Variants in VIPR1 observed in about 807,000 individuals in gnomAD.
VIPR1 encodes vasoactive intestinal peptide receptor 1.
VIPR1 carries 59 observed loss-of-function variants against 58.8 expected under a neutral mutation model. That is an observed-to-expected ratio of 1.00 (90% confidence interval 0.81 to 1.25). The LOEUF is 1.25. Ranked by LOEUF, VIPR1 falls within the 50% of genes most tolerant of loss-of-function variation. VIPR1 has a pLI of 0.00. For missense variants in VIPR1, 626 were observed against 602.7 expected (o/e 1.04, Z -0.40); for synonymous variants, 251 against 242.1 (o/e 1.04, Z -0.34).
At chr3:42,523,185 G>A (rs1346908873) in intron 3 of VIPR1, among the ~76,000 whole-genome samples, 1 of 151,976 alleles carries the variant, frequency 6.6e-6, no homozygotes, top group African/African-American at 2.4e-5. Context: ...GGGCCTGCCG[G>A]TTTCCAGGCC....
chr3:42,531,693 G>A (rs539751277), intron 8 of VIPR1, 110 bp from the exon 9 acceptor site: 29 of 1,551,088 alleles, frequency 1.9e-5, no homozygotes, highest in African/African-American at 8.1e-5. Flanking sequence ...CTCTGGGCCC[G>A]GGGTTGCTAA....
At position 42,517,590 on chromosome 3, in the gene VIPR1, A is replaced by T. The variant is rs553064397; in HGVS notation, c.185-1633A>T. 2.6e-5 allele frequency among the ~76,000 whole-genome samples: 4 copies of T among 152,344 alleles called. No homozygotes were observed. The East Asian group carries it at 7.7e-4, about 29-fold the overall frequency. ...GGCTGTGGCGGAGAATGCAGCCACAATGCAGGGTTTTCGCTGCACTTGTTC... is the reference window on the plus strand; with the variant it reads ...GGCTGTGGCGGAGAATGCAGCCACATTGCAGGGTTTTCGCTGCACTTGTTC... On this transcript the variant is annotated intron_variant, in intron 2 of 12. Transcript: ENST00000325123.
At chr3:42,533,761 C>A (rs898267399) in intron 10 of VIPR1, 1 of 152,216 alleles carries the variant, frequency 6.6e-6, no homozygotes, top group Non-Finnish European at 1.5e-5. Flanking sequence ...GTTTTGCAGC[C>A]GAAGAGGGGT....
chr3:42,522,207 G>T (rs1265445167), intron 3 of VIPR1, among the ~76,000 whole-genome samples: 2 of 145,190 alleles, frequency 1.4e-5, no homozygotes, highest in Admixed American at 7.1e-5. Flanking sequence ...CGCCTTCCGG[G>T]TCCACACCAT....
intron 6 of VIPR1, 31 bp from the exon 7 acceptor site, chr3:42,530,748 G>A: frequency 1.2e-6 from 2 of 1,610,458 alleles, no homozygotes; most frequent in South Asian, 2.2e-5. Context: ...GACAGCCCCA[G>A]TGAACCCCGT....
chr3:42,503,050 G>C (rs1402267051), intron 1 of VIPR1, among the ~76,000 whole-genome samples: 1 of 152,244 alleles, frequency 6.6e-6, no homozygotes, highest in Non-Finnish European at 1.5e-5. Context: ...CACAGCATCA[G>C]TGGAGGGGCA....
At chr3:42,496,726 C>T (rs956204329) in intron 1 of VIPR1, among the ~76,000 whole-genome samples, 3 of 152,224 alleles carry the variant, frequency 2.0e-5, no homozygotes, top group African/African-American at 7.2e-5. Context: ...CACCCATTCC[C>T]ATTGACTATG....
chr3:42,530,664 C>A, intron 6 of VIPR1, 115 bp from the exon 7 acceptor site: 1 of 1,276,460 alleles, frequency 7.8e-7, no homozygotes. Flanking sequence ...TGCAAAACAA[C>A]AAAGAGATTA....
At chr3:42,495,416 T>C (rs978582137) in intron 1 of VIPR1, among the ~76,000 whole-genome samples, 3 of 152,166 alleles carry the variant, frequency 2.0e-5, no homozygotes, top group African/African-American at 7.2e-5. Context: ...CCACTGTGCC[T>C]GGCCTGCTGT....
intron 2 of VIPR1, 131 bp downstream of exon 2, chr3:42,513,985 A>G: frequency 9.8e-7 from 1 of 1,017,944 alleles, no homozygotes; most frequent in Non-Finnish European, 1.4e-6. Context: ...CTGGGGAGCC[A>G]GATGGAAGAA....
At chr3:42,499,638 A>G (rs939694225), upstream of VIPR1, among the ~76,000 whole-genome samples, 11 of 152,186 alleles carry the variant, frequency 7.2e-5, no homozygotes, top group Non-Finnish European at 1.5e-4. Flanking sequence ...GGAGGCGACT[A>G]TGGCTCTCCT....
At chr3:42,493,378 C>G (rs546470325) in intron 1 of VIPR1, among the ~76,000 whole-genome samples, 1 of 152,184 alleles carries the variant, frequency 6.6e-6, no homozygotes, top group Admixed American at 6.5e-5. Context: ...CACACTCCCA[C>G]GGCCGAGCAT....
intron 1 of VIPR1, among the ~76,000 whole-genome samples, chr3:42,505,330 C>T (rs1700069471): frequency 6.6e-6 from 1 of 152,236 alleles, no homozygotes; most frequent in Non-Finnish European, 1.5e-5. Context: ...ATGGGCCTGC[C>T]CCCAGAAGGA....
chr3:42,524,498 C>A (rs554644485), intron 3 of VIPR1, among the ~76,000 whole-genome samples: 1 of 152,222 alleles, frequency 6.6e-6, no homozygotes, highest in African/African-American at 2.4e-5. Flanking sequence ...ACCCAGCCCA[C>A]GGCTGCTCTT....
At chr3:42,517,064 G>A (rs1359874698) in intron 2 of VIPR1, among the ~76,000 whole-genome samples, 1 of 152,186 alleles carries the variant, frequency 6.6e-6, no homozygotes, top group East Asian at 1.9e-4. Context: ...AAGACAGGTT[G>A]GGGGAAAAGT....
At position 42,536,243 on chromosome 3, in the gene VIPR1, C is replaced by A. The variant is rs1385393417; in HGVS notation, c.1336C>A (p.Arg446Ser). 3 of 1,585,334 alleles carry A rather than the reference C, an allele frequency of 1.9e-6. No individual in the cohort carries two copies. The highest frequency in any genetic ancestry group is 2.7e-5 in the African/African-American group (2 of 74,496). The change falls in exon 13 of 13, where the codon CGC becomes AGC. Residue 446 changes from arginine to serine, a missense_variant. Transcript: ENST00000325123. Reference sequence around the variant, plus strand: ...GACCCGCGTCAGCCCAGGTGCCCGCCGCTCCTCCAGCTTCCAAGCCGAAGT... The same window carrying A: ...GACCCGCGTCAGCCCAGGTGCCCGCAGCTCCTCCAGCTTCCAAGCCGAAGT... ...MLTRVSPGAR[R>S]SSSFQAEVSL...
chr3:42,535,003 A>T lies in VIPR1; in HGVS notation c.1039A>T (p.Ile347Phe). The change falls in exon 11 of 13, where the codon ATC becomes TTC. Residue 347 changes from isoleucine to phenylalanine, a missense_variant. By Grantham distance (21) the Ile-to-Phe change is conservative. Transcript: ENST00000325123. ...GCTAGCCAGGTCCACACTCCTGCTGATCCCCCTGTTTGGAGTACACTACAT... is the reference window on the plus strand; with the variant it reads ...GCTAGCCAGGTCCACACTCCTGCTGTTCCCCCTGTTTGGAGTACACTACAT... ...SRLARSTLLL[I>F]PLFGVHYIMF... 2 of 1,614,134 alleles carry T rather than the reference A, an allele frequency of 1.2e-6. No individual in the cohort carries two copies. Among genetic ancestry groups the T allele is most frequent in the Non-Finnish European group, 1.7e-6 (2 of 1,180,014 alleles).
chr3:42,508,136 A>G (rs1407712117), intron 1 of VIPR1: 1 of 152,210 alleles, frequency 6.6e-6, no homozygotes, highest in African/African-American at 2.4e-5. Context: ...GGGGTTATGC[A>G]AGGCACTACG....
intron 3 of VIPR1, among the ~76,000 whole-genome samples, chr3:42,523,819 C>T (rs536578811): frequency 1.3e-5 from 2 of 151,948 alleles, no homozygotes; most frequent in East Asian, 1.9e-4. Context: ...GGCCTTAATC[C>T]TCTTTTTTTT....
Sources: gnomAD v4.1 joint callset for allele counts (sites outside exome capture counted in the v4.1 genomes callset) on GRCh38, gnomAD v4.1.1 for gene constraint, MANE v1.5 for transcripts, NCBI Gene and HGNC (gene_info 2026-07-23, HGNC 2026-07-21) for gene names.